The following PHKA1 variants were observed in gnomAD, a reference collection of about 807,000 sequenced individuals.
PHKA1 encodes phosphorylase kinase regulatory subunit alpha 1.
Under a neutral mutation model 110.2 loss-of-function variants are expected in PHKA1, and 60 were observed. The observed-to-expected ratio is 0.54, with a 90% CI of 0.44 to 0.68. The LOEUF is 0.68. PHKA1 is among the 30% of genes least tolerant of loss of function. The pLI is 0.00. For synonymous variants in PHKA1, 316 were observed against 333.6 expected (o/e 0.95, Z 0.58); for missense variants, 801 against 942.5 (o/e 0.85, Z 1.97).
At chrX:72,692,178 C>A (rs782271523) in intron 4 of PHKA1, among the ~76,000 whole-genome samples, 1 of 111,817 alleles carries the variant, frequency 8.9e-6, no homozygotes, top group Non-Finnish European at 1.9e-5. Context: ...AATAAAACAA[C>A]CTTGCATTCC....
Position 72,602,222 on chromosome X carries a change from C to A in PHKA1, c.2969G>T (p.Gly990Val). ...VSPAISIHEI[G>V]AVGATKTERT... ...TTCTGTTTTGGTTGCTCCAACAGCACCAATCTCGTGGATAGAAATAGCAGG... is the reference window on the plus strand; with the variant it reads ...TTCTGTTTTGGTTGCTCCAACAGCAACAATCTCGTGGATAGAAATAGCAGG... Residue 990 changes from glycine (G) to valine (V), a missense_variant, in exon 27 of 32, where the codon GGT becomes GTT. By Grantham distance (109) the Gly-to-Val change is moderately radical (BLOSUM62 -3). Coordinates refer to ENST00000373542, the MANE Select transcript of PHKA1 (RefSeq NM_002637.4). 1.7e-6 allele frequency: 2 copies of A among 1,205,401 alleles called. No individual in the cohort carries two copies. Among genetic ancestry groups the A allele is most frequent in the Non-Finnish European group, 2.2e-6 (2 of 890,240 alleles).
chrX:72,602,185 G>T lies in PHKA1; in HGVS notation c.3006C>A (p.Ile1002=). The change falls in exon 27 of 32, where the codon ATC becomes ATA. Residue 1002 remains isoleucine, a synonymous_variant. Coordinates refer to ENST00000373542, the MANE Select transcript of PHKA1 (RefSeq NM_002637.4). ...VGATKTERTG[I]MQLKSEIKQV... ...GCTTTATCTCACTTTTTAACTGCAT[G>T]ATCCCAGTTCGTTCTGTTTTGGTTG... 8.3e-7 allele frequency: 1 copy of T among 1,200,531 alleles called. No individual in the cohort carries two copies. The highest frequency in any genetic ancestry group is 1.1e-6 in the Non-Finnish European group (1 of 885,811).
At chrX:72,612,966 A>C (rs1193053303) in intron 21 of PHKA1, among the ~76,000 whole-genome samples, 2 of 110,940 alleles carry the variant, frequency 1.8e-5, no homozygotes, top group Non-Finnish European at 3.8e-5. Flanking sequence ...TGGGTGTACC[A>C]GCTGTAGGTA....
At chrX:72,704,427 A>G (rs2054249959) in intron 3 of PHKA1, among the ~76,000 whole-genome samples, 1 of 111,551 alleles carries the variant, frequency 9.0e-6, no homozygotes, top group Non-Finnish European at 1.9e-5. Flanking sequence ...CAGAAGGCAT[A>G]AGGTAATATA....
intron 18 of PHKA1, 149 bp downstream of exon 18, chrX:72,622,960 G>T (rs184163233): frequency 9.1e-7 from 1 of 1,103,528 alleles, no homozygotes. Flanking sequence ...GTAAGTAGAG[G>T]GAGGAAAAGT....
chrX:72,673,438 G>A (rs2053732170), intron 6 of PHKA1, among the ~76,000 whole-genome samples: 1 of 111,437 alleles, frequency 9.0e-6, no homozygotes, highest in Non-Finnish European at 1.9e-5. Context: ...AGTCACAAAT[G>A]ATTACAAAAT....
chrX:72,588,093 C>T (rs782592832), intron 29 of PHKA1, among the ~76,000 whole-genome samples: 1 of 111,985 alleles, frequency 8.9e-6, no homozygotes, highest in African/African-American at 3.2e-5. Flanking sequence ...TAATAGACAT[C>T]TACAGAACTC....
chrX:72,619,452 AAAAT>A (rs2052945932), intron 19 of PHKA1, 147 bp from the exon 20 acceptor site: 2 of 444,214 alleles, frequency 4.5e-6, no homozygotes, highest in Admixed American at 7.4e-5. Flanking sequence ...AATATCAAAG[AAAAT>A]AAATATGAAT....
chrX:72,658,458 C>CA (rs34964050), intron 8 of PHKA1, among the ~76,000 whole-genome samples: 748 of 40,270 alleles, frequency 0.019, 2 homozygotes, highest in African/African-American at 0.023. Flanking sequence ...GACTTTGTTT[C>CA]AAAAAAAAAA....
chrX:72,627,452 CTG>C (rs1295199900), intron 16 of PHKA1, among the ~76,000 whole-genome samples: 1 of 112,223 alleles, frequency 8.9e-6, no homozygotes, highest in Non-Finnish European at 1.9e-5. Context: ...GCACATATGT[CTG>C]TGTATAGGCA....
intron 28 of PHKA1, among the ~76,000 whole-genome samples, chrX:72,596,511 A>G (rs1439031495): frequency 8.9e-6 from 1 of 112,105 alleles, no homozygotes; most frequent in Non-Finnish European, 1.9e-5. Context: ...CAATATTAAA[A>G]TAAAATTAAG....
rs1037583701 is a variant in PHKA1, at chrX:72,601,980, A to C, written c.3072+11T>G. Reference sequence around the variant, plus strand: ...AGTTAAACCATGTTAAATGATCCCTAGTTGTTTCACCTGACTCTCAGCTGA... The same window carrying C: ...AGTTAAACCATGTTAAATGATCCCTCGTTGTTTCACCTGACTCTCAGCTGA... On this transcript the variant is annotated intron_variant, in intron 28 of 31. Coordinates refer to ENST00000373542, the MANE Select transcript of PHKA1 (RefSeq NM_002637.4). 6 of 1,177,011 alleles carry C rather than the reference A, an allele frequency of 5.1e-6. No homozygotes were observed. Among genetic ancestry groups the C allele is most frequent in the Non-Finnish European group, 6.9e-6 (6 of 865,551 alleles).
chrX:72,699,727 C>T (rs2054182603), intron 3 of PHKA1, among the ~76,000 whole-genome samples: 1 of 110,601 alleles, frequency 9.0e-6, no homozygotes, highest in Non-Finnish European at 1.9e-5. Context: ...CTAAAAAGGA[C>T]ATCAAGTCCT....
chrX:72,663,362 C>T (rs1569444494), intron 8 of PHKA1, among the ~76,000 whole-genome samples: 1 of 110,225 alleles, frequency 9.1e-6, no homozygotes, highest in African/African-American at 3.3e-5. Flanking sequence ...TGAAACAAGC[C>T]TATAGGACTT....
At position 72,676,107 on chromosome X, in the gene PHKA1, A is replaced by G; in HGVS notation, c.581T>C (p.Ile194Thr). 1 of 1,210,309 alleles carries G rather than the reference A, an allele frequency of 8.3e-7. No individual in the cohort carries two copies. The highest frequency in any genetic ancestry group is 3.0e-5 in the East Asian group (1 of 33,821). ...AACTGAACTGGCATTCAACTCTGAG[A>G]TCCCTTGGTTGGTCTTGTCTCCACG... ...WERGDKTNQG[I>T]SELNASSVGM... Residue 194 changes from isoleucine to threonine, a missense_variant, in exon 6 of 32, where the codon ATC (isoleucine) becomes ACC (threonine). This residue lies in a region of PHKA1 where 299 missense variants were observed against 423.3 expected (regional missense o/e 0.71). Coordinates refer to ENST00000373542, the MANE Select transcript of PHKA1 (RefSeq NM_002637.4).
intron 29 of PHKA1, among the ~76,000 whole-genome samples, chrX:72,589,124 A>G (rs970921373): frequency 2.7e-5 from 3 of 111,821 alleles, no homozygotes; most frequent in African/African-American, 9.8e-5. Flanking sequence ...GACACAACAA[A>G]AAAAGAGAAT....
intron 23 of PHKA1, among the ~76,000 whole-genome samples, chrX:72,607,235 C>T: frequency 8.9e-6 from 1 of 111,739 alleles, no homozygotes; most frequent in Admixed American, 9.5e-5. Flanking sequence ...TGGGTATATA[C>T]CTAGCAGTGG....
chrX:72,584,727 G>A (rs2052390420), intron 29 of PHKA1, among the ~76,000 whole-genome samples: 1 of 105,332 alleles, frequency 9.5e-6, no homozygotes, highest in Admixed American at 1.1e-4. Flanking sequence ...GTGAGCAAAA[G>A]TTTTCCTTTT....
intron 3 of PHKA1, among the ~76,000 whole-genome samples, chrX:72,703,971 CA>C (rs782262972): frequency 2.5e-4 from 28 of 111,736 alleles, no homozygotes; most frequent in African/African-American, 8.8e-4. Flanking sequence ...CTCTTGTATG[CA>C]AAAATATCAC....
Sources: gnomAD v4.1 joint callset for allele counts (sites outside exome capture counted in the v4.1 genomes callset) on GRCh38, gnomAD v4.1.1 for gene constraint, gnomAD v4.1.1 regional missense constraint, MANE v1.5 for transcripts, NCBI Gene and HGNC (gene_info 2026-07-23, HGNC 2026-07-21) for gene names.